Variants in TAFA5 observed in about 807,000 individuals in gnomAD.
TAFA5 encodes the protein chemokine-like protein TAFA-5.
A neutral mutation model predicts 15.3 loss-of-function variants in TAFA5; 6 were observed. That is an observed-to-expected ratio of 0.39 (90% CI 0.21 to 0.77). The LOEUF is 0.77. Among genes scored for constraint, TAFA5 ranks in the 30% least tolerant of loss-of-function variants. The pLI is 0.41. For synonymous variants in TAFA5, 103 were observed against 80.7 expected, an observed-to-expected ratio of 1.28 and a Z score of -1.48; for missense variants, 161 against 193.1, an observed-to-expected ratio of 0.83 and a Z score of 0.98.
At chr22:48,545,557 C>G (rs994469618) in intron 1 of TAFA5, 1 of 153,690 alleles carries the variant, frequency 6.5e-6, no homozygotes, top group African/African-American at 2.4e-5. Context: ...TATGGAGCAT[C>G]CTGTGTTGGT....
intron 3 of TAFA5, among the ~76,000 whole-genome samples, chr22:48,732,320 G>C (rs1268879357): frequency 1.3e-5 from 2 of 152,046 alleles, no homozygotes; most frequent in African/African-American, 4.8e-5. Context: ...GCGCAATTTC[G>C]GCTCACTGGA....
intron 1 of TAFA5, among the ~76,000 whole-genome samples, chr22:48,589,688 G>T (rs1924489555): frequency 6.9e-6 from 1 of 145,964 alleles, no homozygotes; most frequent in South Asian, 2.1e-4. Flanking sequence ...TAGAAGAGAA[G>T]AGAAGCAAAC....
At chr22:48,636,844 T>C (rs894167081) in intron 1 of TAFA5, among the ~76,000 whole-genome samples, 6 of 152,172 alleles carry the variant, frequency 3.9e-5, no homozygotes, top group African/African-American at 1.4e-4. Context: ...AGTGACAGGA[T>C]GGGGCAGCTG....
At chr22:48,660,300 C>G (rs1601650984) in intron 2 of TAFA5, among the ~76,000 whole-genome samples, 1 of 152,208 alleles carries the variant, frequency 6.6e-6, no homozygotes, top group Non-Finnish European at 1.5e-5. Flanking sequence ...CGCTTGAGCA[C>G]AGTTGCTGTT....
At chr22:48,526,031 G>T (rs1450072256) in intron 1 of TAFA5, among the ~76,000 whole-genome samples, 1 of 152,364 alleles carries the variant, frequency 6.6e-6, no homozygotes, top group Non-Finnish European at 1.5e-5. Context: ...AGCCTTGGCA[G>T]GTTTCACGGA....
At chr22:48,507,669 A>G (rs1412531742) in intron 1 of TAFA5, among the ~76,000 whole-genome samples, 1 of 152,040 alleles carries the variant, frequency 6.6e-6, no homozygotes, top group African/African-American at 2.4e-5. Flanking sequence ...TGGCCTGCGG[A>G]AGAGAGGGTG....
chr22:48,701,491 C>G (rs1928904731), intron 2 of TAFA5, among the ~76,000 whole-genome samples: 1 of 152,142 alleles, frequency 6.6e-6, no homozygotes, highest in African/African-American at 2.4e-5. Flanking sequence ...GCTGCCTTTC[C>G]TAGGGTAAAC....
intron 3 of TAFA5, among the ~76,000 whole-genome samples, chr22:48,743,625 C>T (rs1336697099): frequency 6.6e-6 from 1 of 152,180 alleles, no homozygotes; most frequent in Admixed American, 6.5e-5. Context: ...CCAGGTGCGT[C>T]CTCATTCCGG....
intron 1 of TAFA5, among the ~76,000 whole-genome samples, chr22:48,504,591 C>A (rs1300741049): frequency 1.3e-5 from 2 of 151,592 alleles, no homozygotes; most frequent in Non-Finnish European, 2.9e-5. Flanking sequence ...GGGGGAAGGA[C>A]ACAGAGCTTC....
chr22:48,630,735 C>T (rs1926192451), intron 1 of TAFA5, among the ~76,000 whole-genome samples: 1 of 152,176 alleles, frequency 6.6e-6, no homozygotes, highest in Non-Finnish European at 1.5e-5. Flanking sequence ...TACCGGGGCC[C>T]TGAATCACGG....
At chr22:48,624,535 G>T (rs564039121) in intron 1 of TAFA5, among the ~76,000 whole-genome samples, 1 of 152,298 alleles carries the variant, frequency 6.6e-6, no homozygotes, top group African/African-American at 2.4e-5. Context: ...TATCAGTGTG[G>T]ACTGATAGAT....
intron 3 of TAFA5, among the ~76,000 whole-genome samples, chr22:48,724,790 G>T (rs1269435233): frequency 6.6e-6 from 1 of 152,226 alleles, no homozygotes; most frequent in Non-Finnish European, 1.5e-5. Flanking sequence ...TGATCAGAGG[G>T]TTCACAGGCA....
At chr22:48,665,848 C>T (rs1927590693) in intron 2 of TAFA5, among the ~76,000 whole-genome samples, 1 of 152,126 alleles carries the variant, frequency 6.6e-6, no homozygotes, top group Non-Finnish European at 1.5e-5. Context: ...AACCAGGGCC[C>T]TCTCTGTTTT....
intron 1 of TAFA5, among the ~76,000 whole-genome samples, chr22:48,597,462 T>G (rs1189341873): frequency 6.6e-6 from 1 of 150,454 alleles, no homozygotes; most frequent in Non-Finnish European, 1.5e-5. Context: ...GCCACCCTCT[T>G]CACCACGCCA....
intron 2 of TAFA5, among the ~76,000 whole-genome samples, chr22:48,692,173 G>T (rs1213222361): frequency 6.6e-6 from 1 of 152,026 alleles, no homozygotes. Context: ...CCTTCCTTCA[G>T]CAATGGCCTG....
chr22:48,626,191 A>G (rs763155093), intron 1 of TAFA5, among the ~76,000 whole-genome samples: 7 of 152,370 alleles, frequency 4.6e-5, no homozygotes, highest in Non-Finnish European at 8.8e-5. Context: ...GAAGTTTTCA[A>G]ATCGATTGGC....
chr22:48,702,762 C>T (rs1053655605), intron 2 of TAFA5, among the ~76,000 whole-genome samples: 1 of 152,220 alleles, frequency 6.6e-6, no homozygotes, highest in Non-Finnish European at 1.5e-5. Flanking sequence ...CACCCGAGCC[C>T]GGGGAAAGGG....
intron 1 of TAFA5, among the ~76,000 whole-genome samples, chr22:48,601,317 CT>C (rs950765598): frequency 1.5e-4 from 22 of 151,698 alleles, no homozygotes; most frequent in South Asian, 4.2e-4. Flanking sequence ...ATCCTTATAT[CT>C]TTTTTTTTAT....
At chr22:48,601,238 G>C (rs1435966336) in intron 1 of TAFA5, among the ~76,000 whole-genome samples, 5 of 152,192 alleles carry the variant, frequency 3.3e-5, no homozygotes, top group African/African-American at 1.2e-4. Flanking sequence ...GGGGGTCTTC[G>C]ATGTATCCCT....
Sources: allele counts gnomAD v4.1 joint callset (sites outside exome capture counted in the v4.1 genomes callset), GRCh38; gene constraint gnomAD v4.1.1; transcripts MANE v1.5; gene names NCBI Gene and HGNC (gene_info 2026-07-23, HGNC 2026-07-21).